The following GRID2 variants were observed in gnomAD, a reference collection of about 807,000 sequenced individuals.
GRID2 encodes glutamate ionotropic receptor delta type subunit 2.
GRID2 carries 33 observed loss-of-function variants against 114.8 expected under a neutral mutation model. The observed-to-expected ratio is 0.29, with a 90% CI of 0.22 to 0.38. The LOEUF is 0.38. Among genes scored for constraint, GRID2 ranks in the 10% least tolerant of loss-of-function variants. The pLI is 1.00. For missense variants in GRID2, 1,184 were observed against 1,257.7 expected, an observed-to-expected ratio of 0.94 and a Z score of 0.89; for synonymous variants, 505 against 449.9, an observed-to-expected ratio of 1.12 and a Z score of -1.55.
intron 13 of GRID2, among the ~76,000 whole-genome samples, chr4:93,598,502 G>A (rs1232219021): frequency 1.3e-5 from 2 of 152,302 alleles, no homozygotes; most frequent in East Asian, 3.9e-4. Flanking sequence ...CTGACAAAGA[G>A]AATAAATGTT....
At chr4:93,537,353 G>C (rs1204293695) in intron 13 of GRID2, among the ~76,000 whole-genome samples, 1 of 151,598 alleles carries the variant, frequency 6.6e-6, no homozygotes, top group African/African-American at 2.4e-5. Flanking sequence ...ATTAAGATGA[G>C]AAGTAAGACA....
chr4:92,881,793 G>T (rs1032159098), intron 2 of GRID2, among the ~76,000 whole-genome samples: 1 of 152,098 alleles, frequency 6.6e-6, no homozygotes, highest in Admixed American at 6.6e-5. Flanking sequence ...TTAATGTGAT[G>T]TTGAAATGTT....
chr4:93,003,821 C>T (rs994689816), intron 2 of GRID2, among the ~76,000 whole-genome samples: 8 of 151,970 alleles, frequency 5.3e-5, no homozygotes, highest in Non-Finnish European at 1.0e-4. Flanking sequence ...GGAGTTTCAA[C>T]ATCTTCAGCA....
chr4:93,085,996 A>T lies in GRID2; in HGVS notation c.529+717A>T, dbSNP rs570224712. 3.0e-4 allele frequency among the ~76,000 whole-genome samples: 46 copies of T among 152,142 alleles called. No individual in the cohort carries two copies. The South Asian group carries it at 9.5e-3, about 32-fold the overall frequency. ...CAAAATAATATTTTTGTTTACATTT[A>T]TTTTTTCTGAATTTATCTACCTTTT... On this transcript the variant is annotated intron_variant, in intron 3 of 15. Coordinates refer to ENST00000282020, the MANE Select transcript of GRID2 (RefSeq NM_001510.4).
At chr4:93,567,529 T>C (rs892440006) in intron 13 of GRID2, among the ~76,000 whole-genome samples, 3 of 152,220 alleles carry the variant, frequency 2.0e-5, no homozygotes, top group African/African-American at 4.8e-5. Flanking sequence ...GGCATATCTC[T>C]TAAAATTTCC....
intron 2 of GRID2, among the ~76,000 whole-genome samples, chr4:92,700,223 C>A (rs1344421717): frequency 6.6e-6 from 1 of 152,166 alleles, no homozygotes; most frequent in East Asian, 1.9e-4. Flanking sequence ...TATTTTCTCA[C>A]AATTTTTATA....
intron 8 of GRID2, among the ~76,000 whole-genome samples, chr4:93,240,691 TG>T (rs1209440108): frequency 6.6e-6 from 1 of 151,446 alleles, no homozygotes; most frequent in Non-Finnish European, 1.5e-5. Flanking sequence ...GAATATATTA[TG>T]CTCAATTATG....
At chr4:92,803,949 T>C (rs1291104546) in intron 2 of GRID2, among the ~76,000 whole-genome samples, 1 of 151,974 alleles carries the variant, frequency 6.6e-6, no homozygotes, top group Non-Finnish European at 1.5e-5. Flanking sequence ...CCATCTACCT[T>C]CTGGTAGCCC....
chr4:92,683,976 G>A (rs1733778876), intron 2 of GRID2, among the ~76,000 whole-genome samples: 1 of 151,872 alleles, frequency 6.6e-6, no homozygotes, highest in South Asian at 2.1e-4. Context: ...ATTAGGCTGT[G>A]ATTAACTTAG....
chr4:93,379,015 A>G (rs13123869), intron 8 of GRID2, among the ~76,000 whole-genome samples: 6 of 152,098 alleles, frequency 3.9e-5, no homozygotes, highest in Non-Finnish European at 5.9e-5. Flanking sequence ...TACCATTGGC[A>G]AGACAAGAGT....
At chr4:93,139,244 T>C (rs77560859) in intron 4 of GRID2, among the ~76,000 whole-genome samples, 2,367 of 152,242 alleles carry the variant, frequency 0.016, 99 homozygotes, top group East Asian at 0.12. Flanking sequence ...ACAGTGGTTA[T>C]CTGAAACCAG....
chr4:93,405,054 T>C (rs149986304), intron 9 of GRID2, among the ~76,000 whole-genome samples: 4 of 152,210 alleles, frequency 2.6e-5, no homozygotes, highest in African/African-American at 9.6e-5. Context: ...AAAATAACAT[T>C]GCTACAACTC....
intron 2 of GRID2, among the ~76,000 whole-genome samples, chr4:92,779,206 GTGTA>G (rs761103546): frequency 1.2e-4 from 18 of 151,500 alleles, no homozygotes; most frequent in South Asian, 8.3e-4. Context: ...GTGTGTGTGT[GTGTA>G]TGTGTGTGTG....
At chr4:93,546,902 T>A (rs1460392258) in intron 13 of GRID2, among the ~76,000 whole-genome samples, 1 of 152,132 alleles carries the variant, frequency 6.6e-6, no homozygotes, top group Non-Finnish European at 1.5e-5. Context: ...AAAGGACTTG[T>A]CTTACTTTAG....
At chr4:92,673,971 TAATAAA>T (rs1036970552) in intron 2 of GRID2, among the ~76,000 whole-genome samples, 9 of 151,622 alleles carry the variant, frequency 5.9e-5, no homozygotes, top group Admixed American at 5.9e-4. Context: ...ACTTAAAGTA[TAATAAA>T]AATAAAAAAT....
chr4:93,746,695 C>T (rs776826773), intron 14 of GRID2, among the ~76,000 whole-genome samples: 1 of 151,958 alleles, frequency 6.6e-6, no homozygotes, highest in African/African-American at 2.4e-5. Flanking sequence ...TTATTTAAAC[C>T]AATGAAATAC....
chr4:93,782,257 C>A (rs1182948105), intron 1 of GRID2, among the ~76,000 whole-genome samples: 2 of 152,042 alleles, frequency 1.3e-5, no homozygotes, highest in Non-Finnish European at 2.9e-5. Flanking sequence ...AGCAGACAGA[C>A]ATACCTGAAT....
At chr4:93,296,253 C>T (rs1754298821) in intron 8 of GRID2, among the ~76,000 whole-genome samples, 1 of 152,268 alleles carries the variant, frequency 6.6e-6, no homozygotes, top group South Asian at 2.1e-4. Flanking sequence ...CAAATCTCAT[C>T]TACCTCCCTC....
At chr4:93,706,265 T>G (rs1041962509) in intron 14 of GRID2, among the ~76,000 whole-genome samples, 6 of 152,320 alleles carry the variant, frequency 3.9e-5, no homozygotes, top group African/African-American at 1.4e-4. Flanking sequence ...ATAGATTGCT[T>G]TGGATATAAT....
Sources: allele counts gnomAD v4.1 joint callset (sites outside exome capture counted in the v4.1 genomes callset), GRCh38; gene constraint gnomAD v4.1.1; transcripts MANE v1.5; gene names NCBI Gene and HGNC (gene_info 2026-07-23, HGNC 2026-07-21).